SYT2: variants seen among roughly 807,000 people sequenced by gnomAD.
The protein encoded by SYT2 is synaptotagmin-2.
In SYT2, 15 loss-of-function variants were observed where a neutral mutation model predicts 39.9. The observed-to-expected ratio is 0.38, with a 90% confidence interval of 0.25 to 0.58. The LOEUF (loss-of-function observed/expected upper bound fraction) is 0.58, where lower values mean the gene tolerates loss of function less well. Among genes scored for constraint, SYT2 ranks in the 20% least tolerant of loss-of-function variants. The pLI, the probability that SYT2 is intolerant of heterozygous loss-of-function variation, is 0.70. For missense variants in SYT2, 389 were observed against 530.3 expected (o/e 0.73, Z 2.62); for synonymous variants, 181 against 204.5 (o/e 0.89, Z 0.98).
chr1:202,641,845 GCC>G (rs1055594849), intron 1 of SYT2, among the ~76,000 whole-genome samples: 2 of 152,214 alleles, frequency 1.3e-5, no homozygotes, highest in Non-Finnish European at 2.9e-5. Context: ...GAAAGAATCT[GCC>G]CTCTGCAAAG....
chr1:202,668,768 C>A (rs892430475), intron 1 of SYT2, among the ~76,000 whole-genome samples: 3 of 152,224 alleles, frequency 2.0e-5, no homozygotes, highest in African/African-American at 7.2e-5. Context: ...GGGCTTGAAT[C>A]TGTCTGACTC....
chr1:202,675,457 G>GT (rs1188353354), intron 1 of SYT2, among the ~76,000 whole-genome samples: 5 of 151,788 alleles, frequency 3.3e-5, no homozygotes, highest in Admixed American at 3.3e-4. Context: ...AGCCATGAAA[G>GT]TATTTGACCA....
intron 1 of SYT2, among the ~76,000 whole-genome samples, chr1:202,644,610 TTC>T (rs1572654059): frequency 6.6e-6 from 1 of 151,976 alleles, no homozygotes; most frequent in East Asian, 1.9e-4. Flanking sequence ...TGCAGCTGCT[TTC>T]TGTTTGCCTT....
intron 1 of SYT2, among the ~76,000 whole-genome samples, chr1:202,633,445 G>A (rs545652753): frequency 2.0e-4 from 30 of 152,196 alleles, no homozygotes; most frequent in Non-Finnish European, 3.4e-4. Flanking sequence ...CACACCAAGG[G>A]CTCCATAATG....
intron 7 of SYT2, 145 bp downstream of exon 7, chr1:202,600,212 A>C: frequency 4.3e-6 from 3 of 695,558 alleles, no homozygotes; most frequent in Non-Finnish European, 7.5e-6. Flanking sequence ...GGGCCTGGGA[A>C]GCTAAGGCTC....
Position 202,604,435 on chromosome 1 carries a change from T to G in SYT2, c.345+20A>C. The stretch of plus-strand genomic sequence containing the variant: ...TGGGCTGAGCCCCTTCCAGTCCCCC[T>G]CACAACCAATGTGCCCTACCTGACC... On this transcript the variant is annotated intron_variant, in intron 3 of 8. Coordinates refer to ENST00000367268, the MANE Select transcript of SYT2 (RefSeq NM_177402.5). 1.9e-6 allele frequency: 3 copies of G among 1,612,220 alleles called. No homozygotes were observed. The highest frequency in any genetic ancestry group is 2.5e-6 in the Non-Finnish European group (3 of 1,178,438).
At chr1:202,602,901 G>T in intron 4 of SYT2, 98 bp downstream of exon 4, 1 of 1,426,628 alleles carries the variant, frequency 7.0e-7, no homozygotes, top group Non-Finnish European at 9.7e-7. Flanking sequence ...AAGGAGTAGT[G>T]CCCACACATC....
intron 1 of SYT2, among the ~76,000 whole-genome samples, chr1:202,646,097 G>A (rs1342155094): frequency 6.6e-6 from 1 of 152,092 alleles, no homozygotes; most frequent in Non-Finnish European, 1.5e-5. Context: ...ACATGGGCTG[G>A]GTGCATATCT....
intron 1 of SYT2, among the ~76,000 whole-genome samples, chr1:202,621,539 C>T (rs1437062529): frequency 2.0e-5 from 3 of 152,170 alleles, no homozygotes; most frequent in Non-Finnish European, 2.9e-5. Context: ...TCATGAACTC[C>T]TTGAACTCCT....
chr1:202,694,011 T>G (rs988192478), intron 1 of SYT2, among the ~76,000 whole-genome samples: 35 of 152,086 alleles, frequency 2.3e-4, no homozygotes, highest in African/African-American at 8.5e-4. Context: ...CATCCAGATC[T>G]CTCATGAACT....
Position 202,611,965 on chromosome 1 carries a change from C to T in SYT2, c.-17-6176G>A, listed in dbSNP as rs145336675. Among the ~76,000 whole-genome samples, 1,232 of 152,266 alleles carry T rather than the reference C, an allele frequency of 8.1e-3. 11 individuals are homozygous for T. Among genetic ancestry groups the T allele is most frequent in the Non-Finnish European group, 0.013 (884 of 68,014 alleles). ...TCCTGAGCTCAAGTGATCCTCCAGC[C>T]TCAGCCTCCCGAGTAGCTAGGACTA... On this transcript the variant is annotated intron_variant, in intron 1 of 8. Coordinates refer to ENST00000367268, the MANE Select transcript of SYT2 (RefSeq NM_177402.5).
intron 1 of SYT2, among the ~76,000 whole-genome samples, chr1:202,619,238 A>G (rs1351848260): frequency 6.6e-6 from 1 of 152,210 alleles, no homozygotes; most frequent in Non-Finnish European, 1.5e-5. Flanking sequence ...GGAAGACTTG[A>G]GGATGATAAA....
Position 202,601,158 on chromosome 1 carries a change from C to T in SYT2, c.802-684G>A, listed in dbSNP as rs1017669891. ...TAGGCAGGCTGAGGACCCAGGGCTC[C>T]TAATTCCTAAGGCCAACACCACACT... is the stretch of plus-strand genomic sequence containing the variant. On this transcript the variant is annotated intron_variant, in intron 6 of 8. Transcript: ENST00000367268. The surrounding 1 kb of genome is among the most constrained non-coding windows in gnomAD (Gnocchi z 4.0). Among the ~76,000 whole-genome samples the T allele has an allele frequency of 7.9e-5, 12 of 152,180 alleles. No homozygotes were observed. Among genetic ancestry groups the T allele is most frequent in the African/African-American group, 2.9e-4 (12 of 41,434 alleles).
chr1:202,675,840 G>A (rs780812549), intron 1 of SYT2, among the ~76,000 whole-genome samples: 1 of 152,206 alleles, frequency 6.6e-6, no homozygotes, highest in Non-Finnish European at 1.5e-5. Context: ...TCTGACCCTA[G>A]CTTGAATAGT....
intron 1 of SYT2, among the ~76,000 whole-genome samples, chr1:202,653,745 C>T (rs1007700432): frequency 6.6e-6 from 1 of 152,208 alleles, no homozygotes; most frequent in Non-Finnish European, 1.5e-5. Context: ...TGCTGTGTGA[C>T]TACATCGCCA....
At chr1:202,630,841 G>T (rs141442232) in intron 1 of SYT2, among the ~76,000 whole-genome samples, 20 of 152,344 alleles carry the variant, frequency 1.3e-4, no homozygotes, top group African/African-American at 4.6e-4. Context: ...GCCCTGCCTA[G>T]CAGTACACAG....
At chr1:202,640,798 C>G (rs10920433) in intron 1 of SYT2, among the ~76,000 whole-genome samples, 3,462 of 91,164 alleles carry the variant, frequency 0.038, 111 homozygotes, top group African/African-American at 0.1. Flanking sequence ...GAGAGACAGA[C>G]AGACAGAGAG....
chr1:202,606,872 G>C (rs1690724888), intron 1 of SYT2, among the ~76,000 whole-genome samples: 1 of 151,974 alleles, frequency 6.6e-6, no homozygotes, highest in African/African-American at 2.4e-5. Context: ...TTTACATGTT[G>C]AGACCATACT....
chr1:202,596,070 A>T lies in SYT2; in HGVS notation c.*687T>A, dbSNP rs1690273172. 6.6e-6 allele frequency: 1 copy of T among 152,094 alleles called. No homozygotes were observed. Among genetic ancestry groups the T allele is most frequent in the African/African-American group, 2.4e-5 (1 of 41,386 alleles). The allele number at this position is 152,094 out of a possible 1,614,324, so 9.4% of individuals were successfully genotyped here. On this transcript the variant is annotated 3_prime_UTR_variant, in exon 9 of 9. Coordinates refer to ENST00000367268, the MANE Select transcript of SYT2 (RefSeq NM_177402.5). ...CACCAACAGGAGTATGAAAGCCCCGATATCTGAACAGGATCCTGAGACTTT... is the reference window on the plus strand; with the variant it reads ...CACCAACAGGAGTATGAAAGCCCCGTTATCTGAACAGGATCCTGAGACTTT...
Sources: gnomAD v4.1 joint callset for allele counts (sites outside exome capture counted in the v4.1 genomes callset) on GRCh38, gnomAD v4.1.1 for gene constraint, Gnocchi (gnomAD v3.1) non-coding constraint, MANE v1.5 for transcripts, NCBI Gene and HGNC (gene_info 2026-07-23, HGNC 2026-07-21) for gene names.